Variants in ADD3 observed in about 807,000 individuals in gnomAD.
ADD3 encodes adducin 3.
In ADD3, 25 loss-of-function variants were observed where a neutral mutation model predicts 80.2. The observed-to-expected ratio is 0.31, with a 90% CI of 0.23 to 0.44. The LOEUF is 0.44. Among genes scored for constraint, ADD3 ranks in the 20% least tolerant of loss-of-function variants. The pLI is 1.00. For synonymous variants in ADD3, 284 were observed against 289.6 expected (o/e 0.98, Z 0.20); for missense variants, 829 against 847.5 (o/e 0.98, Z 0.27).
chr10:110,015,867 A>C (rs1852926483), intron 1 of ADD3, among the ~76,000 whole-genome samples: 1 of 152,224 alleles, frequency 6.6e-6, no homozygotes, highest in Non-Finnish European at 1.5e-5. Flanking sequence ...AGCCACAGAA[A>C]GGCTGTCACT....
intron 1 of ADD3, among the ~76,000 whole-genome samples, chr10:110,045,353 CAAAAA>C (rs772764388): frequency 7.0e-6 from 1 of 142,024 alleles, no homozygotes; most frequent in African/African-American, 2.6e-5. Context: ...GACTCTGTCT[CAAAAA>C]AAAAAAGAGA....
intron 1 of ADD3, among the ~76,000 whole-genome samples, chr10:110,013,566 A>G (rs574750848): frequency 2.6e-5 from 4 of 152,358 alleles, no homozygotes; most frequent in African/African-American, 9.6e-5. Flanking sequence ...TGTCTCAAGA[A>G]GTATACTATA....
At chr10:110,084,377 T>C (rs1193805525) in intron 1 of ADD3, among the ~76,000 whole-genome samples, 1 of 152,154 alleles carries the variant, frequency 6.6e-6, no homozygotes, top group Non-Finnish European at 1.5e-5. Flanking sequence ...GAGATAAAAG[T>C]TAACAGTTTA....
chr10:110,116,275 A>C lies in ADD3; in HGVS notation c.351A>C (p.Thr117=). ...SSPPLSLGMV[T]PINDLPGADT... ...CTCTTTTAGGTCTTGGCATGGTCAC[A>C]CCTATCAATGACCTTCCTGGTGCAG... The change falls in exon 4 of 15, where the codon ACA becomes ACC. Residue 117 remains threonine, a synonymous_variant. Coordinates refer to ENST00000356080, the MANE Select transcript of ADD3 (RefSeq NM_016824.5). 1 of 1,614,038 alleles carries C rather than the reference A, an allele frequency of 6.2e-7. No homozygotes were observed. The highest frequency in any genetic ancestry group is 8.5e-7 in the Non-Finnish European group (1 of 1,179,964).
chr10:110,088,705 G>C (rs2133843623), intron 1 of ADD3, among the ~76,000 whole-genome samples: 1 of 152,288 alleles, frequency 6.6e-6, no homozygotes. Context: ...ATCTGAAATA[G>C]TAGATCAAAA....
chr10:110,068,193 A>G (rs1375524070), intron 1 of ADD3, among the ~76,000 whole-genome samples: 1 of 151,644 alleles, frequency 6.6e-6, no homozygotes, highest in Non-Finnish European at 1.5e-5. Context: ...CTGGTTTCTT[A>G]GCTCCTCCTT....
At chr10:110,048,054 G>A (rs1474289924) in intron 1 of ADD3, among the ~76,000 whole-genome samples, 1 of 152,168 alleles carries the variant, frequency 6.6e-6, no homozygotes, top group Admixed American at 6.5e-5. Flanking sequence ...GGGTCCCAGT[G>A]GGAGATAGTT....
At chr10:110,041,636 A>G (rs746449393) in intron 1 of ADD3, among the ~76,000 whole-genome samples, 39 of 152,156 alleles carry the variant, frequency 2.6e-4, no homozygotes, top group Admixed American at 4.6e-4. Context: ...ATTATGGGCA[A>G]TTTCCACTGC....
intron 1 of ADD3, among the ~76,000 whole-genome samples, chr10:110,017,541 T>G (rs903517059): frequency 3.9e-5 from 6 of 152,216 alleles, no homozygotes; most frequent in Non-Finnish European, 7.3e-5. Flanking sequence ...AGGTTTTGGC[T>G]GGGTTTATTT....
intron 9 of ADD3, chr10:110,123,764 G>C: frequency 2.2e-6 from 1 of 446,184 alleles, no homozygotes; most frequent in South Asian, 2.8e-5. Context: ...ACTTAGAACT[G>C]TTCGTTTGTC....
At chr10:110,024,380 G>A (rs1402135651) in intron 1 of ADD3, among the ~76,000 whole-genome samples, 2 of 152,118 alleles carry the variant, frequency 1.3e-5, no homozygotes, top group African/African-American at 2.4e-5. Flanking sequence ...AAAATCACAT[G>A]CAGAATTATT....
intron 1 of ADD3, among the ~76,000 whole-genome samples, chr10:110,050,295 C>T (rs373132115): frequency 1.3e-5 from 2 of 152,058 alleles, no homozygotes; most frequent in Admixed American, 6.5e-5. Context: ...AGGAGGGACC[C>T]AGTGGGAGAT....
At chr10:110,025,329 CTAATT>C (rs1019400581) in intron 1 of ADD3, among the ~76,000 whole-genome samples, 19 of 151,572 alleles carry the variant, frequency 1.3e-4, no homozygotes, top group Non-Finnish European at 2.5e-4. Flanking sequence ...TTTAATAATA[CTAATT>C]TAATTTAATA....
At chr10:110,020,143 T>C (rs547395779) in intron 1 of ADD3, among the ~76,000 whole-genome samples, 2 of 152,306 alleles carry the variant, frequency 1.3e-5, no homozygotes, top group East Asian at 3.9e-4. Flanking sequence ...TTAGCCCTTA[T>C]TTTTTTGAGC....
chr10:110,124,624 A>T (rs1245827069), intron 10 of ADD3, among the ~76,000 whole-genome samples: 1 of 152,196 alleles, frequency 6.6e-6, no homozygotes, highest in African/African-American at 2.4e-5. Flanking sequence ...TGTAGTTTCT[A>T]TTAAACTACA....
chr10:110,046,855 A>G (rs368558190), intron 1 of ADD3, among the ~76,000 whole-genome samples: 157 of 152,304 alleles, frequency 1.0e-3, no homozygotes, highest in Non-Finnish European at 1.5e-3. Flanking sequence ...TTGAAATTGA[A>G]AAAGAATAAC....
chr10:110,055,939 C>T (rs927896134), intron 1 of ADD3, among the ~76,000 whole-genome samples: 7 of 152,256 alleles, frequency 4.6e-5, no homozygotes, highest in Admixed American at 6.5e-5. Flanking sequence ...AAGACAGTAA[C>T]GGTCAAATGA....
At chr10:110,026,577 G>A (rs1854338858) in intron 1 of ADD3, among the ~76,000 whole-genome samples, 2 of 152,116 alleles carry the variant, frequency 1.3e-5, no homozygotes, top group South Asian at 4.1e-4. Context: ...ACCACACCCG[G>A]CTGATTGTAC....
chr10:110,053,473 G>T (rs1307085221), intron 1 of ADD3, among the ~76,000 whole-genome samples: 1 of 151,936 alleles, frequency 6.6e-6, no homozygotes, highest in Non-Finnish European at 1.5e-5. Context: ...ATACTCATTA[G>T]AAATTAGTAC....
Sources: gnomAD v4.1 joint callset for allele counts (sites outside exome capture counted in the v4.1 genomes callset) on GRCh38, gnomAD v4.1.1 for gene constraint, MANE v1.5 for transcripts, NCBI Gene and HGNC (gene_info 2026-07-23, HGNC 2026-07-21) for gene names.